The following PROX1 variants were observed in gnomAD, a reference collection of about 807,000 sequenced individuals.
PROX1 encodes prospero homeobox protein 1.
Under a neutral mutation model 58.8 loss-of-function variants are expected in PROX1, and 7 were observed. That is an observed-to-expected ratio of 0.12 (90% CI 0.07 to 0.22). The LOEUF (loss-of-function observed/expected upper bound fraction) is 0.22. PROX1 is among the 10% of genes least tolerant of loss of function. The probability of loss-of-function intolerance (pLI) is 1.00; values close to 1 mark genes in which losing one functional copy is unlikely to be tolerated. For missense variants in PROX1, 675 were observed against 927.8 expected (o/e 0.73, Z 3.54); for synonymous variants, 350 against 358.3 (o/e 0.98, Z 0.26).
chr1:214,018,733 C>G (rs1172102952), intron 4 of PROX1, among the ~76,000 whole-genome samples: 3 of 152,332 alleles, frequency 2.0e-5, no homozygotes, highest in Non-Finnish European at 4.4e-5. Context: ...AAGGCAATCT[C>G]TGTGTCTCTT....
At chr1:214,009,578 T>C (rs1275913529) in intron 3 of PROX1, among the ~76,000 whole-genome samples, 2 of 152,306 alleles carry the variant, frequency 1.3e-5, no homozygotes, top group Non-Finnish European at 1.5e-5. Context: ...TGCCTCATGT[T>C]TGGGGAGTCT....
At chr1:213,986,266 G>C (rs1285307012), upstream of PROX1, 1 of 151,278 alleles carries the variant, frequency 6.6e-6, no homozygotes, top group Non-Finnish European at 1.5e-5. Flanking sequence ...GTGTGTGGGG[G>C]CGGCAAAAGG....
At chr1:214,006,835 T>C (rs1436761015) in intron 3 of PROX1, among the ~76,000 whole-genome samples, 2 of 152,158 alleles carry the variant, frequency 1.3e-5, no homozygotes, top group African/African-American at 2.4e-5. Flanking sequence ...AGGGCAATGA[T>C]CTTCAGTGTT....
chr1:214,031,864 G>A (rs1664669257), intron 4 of PROX1, among the ~76,000 whole-genome samples: 1 of 152,162 alleles, frequency 6.6e-6, no homozygotes, highest in African/African-American at 2.4e-5. Context: ...GAAATTCACT[G>A]GAACCCTCTC....
rs1413706969 is a variant in PROX1, at chr1:214,037,350, T to C, written c.*1516T>C. On this transcript the variant is annotated 3_prime_UTR_variant, in exon 5 of 5. Coordinates refer to ENST00000366958, the MANE Select transcript of PROX1 (RefSeq NM_001270616.2). ...ATATACACCTCCTAAAATGACACAGTAACAAATCTGGTATTTAGAACATAT... is the reference window on the plus strand; with the variant it reads ...ATATACACCTCCTAAAATGACACAGCAACAAATCTGGTATTTAGAACATAT... The C allele has an allele frequency of 6.6e-6, 1 of 152,202 alleles. No individual in the cohort carries two copies. Among genetic ancestry groups the C allele is most frequent in the Non-Finnish European group, 1.5e-5 (1 of 68,028 alleles). The allele number at this position is 152,202 out of a possible 1,614,324, so 9.4% of individuals were successfully genotyped here.
chr1:213,998,381 A>T, intron 2 of PROX1, 121 bp downstream of exon 2: 1 of 1,217,586 alleles, frequency 8.2e-7, no homozygotes. Context: ...AACCTTTCCC[A>T]TTATTCAAAG....
intron 2 of PROX1, among the ~76,000 whole-genome samples, chr1:214,002,413 T>TTTC (rs1491551461): frequency 2.9e-5 from 2 of 68,120 alleles, no homozygotes; most frequent in East Asian, 4.5e-4. Context: ...TTCTTTTTTC[T>TTTC]TTTTTTTTTT....
intron 4 of PROX1, among the ~76,000 whole-genome samples, chr1:214,032,152 G>A (rs1205464708): frequency 6.6e-6 from 1 of 152,086 alleles, no homozygotes; most frequent in Non-Finnish European, 1.5e-5. Context: ...GGTTTTTCAA[G>A]ATTACAGAGG....
At position 213,998,164 on chromosome 1, in the gene PROX1, G is replaced by A. The variant is rs760330623; in HGVS notation, c.1629G>A (p.Pro543=). Residue 543 remains proline, a synonymous_variant, in exon 2 of 5, where the codon CCG becomes CCA. Transcript: ENST00000366958. ...ACCACCCTTGTTCACCAGCACACCC[G>A]CCCAGCACCGCCGAAGGGCTCTCCT... is the stretch of plus-strand genomic sequence containing the variant. ...LSHHPCSPAH[P]PSTAEGLSLS... is the part of the protein sequence containing the mutation. 3.1e-6 allele frequency: 5 copies of A among 1,613,954 alleles called. No homozygotes were observed. In the South Asian group the frequency reaches 4.4e-5, roughly 14 times the overall value.
rs1200762415 is a variant in PROX1, at chr1:214,035,982, G to T, written c.*148G>T. ...TCAGCTGGTAATTCCTCCTCATCAC[G>T]TTTCTCTCATTTTCTTTTGTTTTCC... On this transcript the variant is annotated 3_prime_UTR_variant, in exon 5 of 5. Transcript: ENST00000366958. The T allele has an allele frequency of 6.5e-6, 4 of 618,096 alleles. No individual in the cohort carries two copies. Among genetic ancestry groups the T allele is most frequent in the Non-Finnish European group, 9.9e-6 (4 of 404,990 alleles). 38.3% of individuals were successfully genotyped at this position (618,096 alleles called of 1,614,324 possible).
At chr1:214,011,142 G>A (rs1004563553) in intron 3 of PROX1, among the ~76,000 whole-genome samples, 2 of 152,244 alleles carry the variant, frequency 1.3e-5, no homozygotes, top group Non-Finnish European at 2.9e-5. Context: ...TCTGGTACAT[G>A]GGAGTAACAA....
At chr1:214,013,370 C>G (rs914136222) in intron 4 of PROX1, among the ~76,000 whole-genome samples, 7 of 152,158 alleles carry the variant, frequency 4.6e-5, no homozygotes, top group African/African-American at 1.7e-4. Flanking sequence ...CCCTGCCTTT[C>G]TGCTAAGCCT....
intron 4 of PROX1, among the ~76,000 whole-genome samples, chr1:214,012,996 A>T (rs1196049036): frequency 6.6e-6 from 1 of 152,054 alleles, no homozygotes; most frequent in African/African-American, 2.4e-5. Context: ...GCTTATAAAG[A>T]ATTGAATATG....
upstream of PROX1, among the ~76,000 whole-genome samples, chr1:213,987,228 ATCT>A (rs1278920552): frequency 1.3e-5 from 2 of 152,140 alleles, no homozygotes; most frequent in East Asian, 3.9e-4. Context: ...GCCAATGTTG[ATCT>A]TCGTCTAATA....
At position 214,023,054 on chromosome 1, in the gene PROX1, T is replaced by C. The variant is rs1445419001; in HGVS notation, c.2028+11339T>C. 4.6e-5 allele frequency among the ~76,000 whole-genome samples: 7 copies of C among 152,340 alleles called. No individual in the cohort carries two copies. The East Asian group carries it at 1.2e-3, about 25-fold the overall frequency. The stretch of plus-strand genomic sequence containing the variant: ...GCAGATCTGAATCTCAACAGTGCCC[T>C]TGGAGACATGGCAATTCCCTTACTG... On this transcript the variant is annotated intron_variant, in intron 4 of 4. Transcript: ENST00000366958.
Position 213,996,597 on chromosome 1 carries a change from T to C in PROX1, c.62T>C (p.Ile21Thr), listed in dbSNP as rs1398217936. 4 of 1,614,104 alleles carry C rather than the reference T, an allele frequency of 2.5e-6. No homozygotes were observed. The highest frequency in any genetic ancestry group is 1.7e-5 in the Admixed American group (1 of 60,012). ...SRQTKRRRVDIGVKRTVGTAS... is the reference protein window; with the variant it reads ...SRQTKRRRVDTGVKRTVGTAS... ...CAAACCAAGAGGAGAAGAGTTGACA[T>C]TGGAGTGAAAAGGACGGTAGGGACA... is the stretch of plus-strand genomic sequence containing the variant. Residue 21 changes from isoleucine (I) to threonine (T), a missense_variant, in exon 2 of 5, where the codon ATT becomes ACT. Transcript: ENST00000366958.
intron 4 of PROX1, among the ~76,000 whole-genome samples, chr1:214,017,615 A>C (rs544886154): frequency 6.6e-6 from 1 of 151,502 alleles, no homozygotes; most frequent in East Asian, 1.9e-4. Flanking sequence ...ATGAGTTCAC[A>C]GTGAGAATAG....
At chr1:213,983,714 C>T (rs1662755249), upstream of PROX1, 1 of 152,326 alleles carries the variant, frequency 6.6e-6, no homozygotes, top group African/African-American at 2.4e-5. Context: ...TCGCCGAAGG[C>T]ATCCCCTCCG....
In PROX1 at chr1:213,996,742, A is replaced by G. The variant is rs1195280285; in HGVS notation, c.207A>G (p.Val69=). ...ATGCAGATGGGGAAAAGTCAAATGT[A>G]CTCCGCAAGCTGCTGAAGAGGGCGA... ...VQHADGEKSN[V]LRKLLKRANS... Residue 69 remains valine (V), a synonymous_variant, in exon 2 of 5, where the codon GTA becomes GTG. Coordinates refer to ENST00000366958, the MANE Select transcript of PROX1 (RefSeq NM_001270616.2). 1 of 1,614,004 alleles carries G rather than the reference A, an allele frequency of 6.2e-7. No individual in the cohort carries two copies. Among genetic ancestry groups the G allele is most frequent in the Non-Finnish European group, 8.5e-7 (1 of 1,180,040 alleles).
Sources: gnomAD v4.1 joint callset for allele counts (sites outside exome capture counted in the v4.1 genomes callset) on GRCh38, gnomAD v4.1.1 for gene constraint, MANE v1.5 for transcripts, NCBI Gene and HGNC (gene_info 2026-07-23, HGNC 2026-07-21) for gene names.